COL21A1: variants seen among roughly 807,000 people sequenced by gnomAD.
COL21A1 encodes the protein collagen type XXI alpha 1 chain.
COL21A1 carries 149 observed loss-of-function variants against 137.9 expected under a neutral mutation model. The observed-to-expected ratio is 1.08, with a 90% CI of 0.95 to 1.24. The LOEUF is 1.24. Among genes scored for constraint, COL21A1 ranks in the 50% most tolerant of loss-of-function variants. The probability of loss-of-function intolerance (pLI) is 0.00; values close to 1 mark genes in which losing one functional copy is unlikely to be tolerated. For synonymous variants in COL21A1, 456 were observed against 391.5 expected, an observed-to-expected ratio of 1.16 and a Z score of -1.95; for missense variants, 1,167 against 1,158.4, an observed-to-expected ratio of 1.01 and a Z score of -0.11.
Position 56,308,950 on chromosome 6 carries a change from A to C in COL21A1, c.-39+85021T>G, listed in dbSNP as rs547847954. ...GGATGTGATAAGCTTTAGATTTACT[A>C]TCATAGTCAGGATGGAGGGCAGAAA... On this transcript the variant is annotated intron_variant, in intron 1 of 28. Transcript: ENST00000370819. 2.0e-5 allele frequency among the ~76,000 whole-genome samples: 3 copies of C among 152,226 alleles called. No individual in the cohort carries two copies. The East Asian group carries it at 5.8e-4, about 29-fold the overall frequency.
chr6:56,331,918 A>G (rs1390600946), intron 1 of COL21A1: 1 of 152,074 alleles, frequency 6.6e-6, no homozygotes, highest in Non-Finnish European at 1.5e-5. Flanking sequence ...AATCAGAAGT[A>G]CTGCTTCGTG....
Position 56,281,614 on chromosome 6 carries a change from A to G in COL21A1, c.-38-98958T>C, listed in dbSNP as rs1462751488. ...TTGCATAGTGGATGAATGTTTCACC[A>G]TTACAGTATGGATTTGTCTGTCTCT... On this transcript the variant is annotated intron_variant, in intron 1 of 28. Coordinates refer to the COL21A1 transcript ENST00000370819. 5.9e-5 allele frequency among the ~76,000 whole-genome samples: 9 copies of G among 152,208 alleles called. No individual in the cohort carries two copies. In the South Asian group the frequency reaches 1.9e-3, roughly 31 times the overall value.
chr6:56,116,592 T>A (rs1771952253), intron 16 of COL21A1, among the ~76,000 whole-genome samples: 1 of 151,818 alleles, frequency 6.6e-6, no homozygotes, highest in Non-Finnish European at 1.5e-5. Flanking sequence ...TAATGAGCTA[T>A]AAATAATCAC....
At chr6:56,276,542 T>C in intron 1 of COL21A1, 4 of 1,303,200 alleles carry the variant, frequency 3.1e-6, no homozygotes, top group East Asian at 2.3e-5. Flanking sequence ...ATTCTTCTTA[T>C]ATACTTCAAA....
At chr6:56,303,759 C>T (rs1011639790) in intron 1 of COL21A1, among the ~76,000 whole-genome samples, 2 of 152,238 alleles carry the variant, frequency 1.3e-5, no homozygotes, top group African/African-American at 4.8e-5. Context: ...CCAGAACTTC[C>T]AACACTATGT....
At chr6:56,249,660 CA>C (rs1424079148), upstream of COL21A1, among the ~76,000 whole-genome samples, 1 of 152,096 alleles carries the variant, frequency 6.6e-6, no homozygotes, top group East Asian at 1.9e-4. Context: ...TCAGAATAAG[CA>C]AATCCATAAC....
At chr6:56,349,173 C>T (rs1765657567) in intron 1 of COL21A1, among the ~76,000 whole-genome samples, 1 of 152,046 alleles carries the variant, frequency 6.6e-6, no homozygotes, top group Admixed American at 6.6e-5. Context: ...GAAAATAATC[C>T]ACTGCACTGA....
chr6:56,204,931 T>C (rs926954147), intron 1 of COL21A1, among the ~76,000 whole-genome samples: 5 of 152,070 alleles, frequency 3.3e-5, no homozygotes, highest in African/African-American at 4.8e-5. Flanking sequence ...TGGAAAGGAA[T>C]AGTATCAACA....
intron 16 of COL21A1, among the ~76,000 whole-genome samples, chr6:56,102,319 A>T (rs762602349): frequency 4.6e-5 from 7 of 152,190 alleles, no homozygotes; most frequent in Non-Finnish European, 7.3e-5. Flanking sequence ...CTGTTGACAC[A>T]TATACACACA....
At chr6:56,082,830 A>G (rs930389059) in intron 17 of COL21A1, among the ~76,000 whole-genome samples, 1 of 151,906 alleles carries the variant, frequency 6.6e-6, no homozygotes, top group Non-Finnish European at 1.5e-5. Flanking sequence ...TTAAAATTGT[A>G]TCTAATCTAA....
chr6:56,083,857 G>A (rs1290600722), intron 17 of COL21A1, among the ~76,000 whole-genome samples: 1 of 151,848 alleles, frequency 6.6e-6, no homozygotes. Context: ...GGCTAAGTAG[G>A]GTTTGTCTCA....
intron 10 of COL21A1, among the ~76,000 whole-genome samples, chr6:56,150,565 C>CACACACACACACACACACA (rs1402170446): frequency 1.8e-5 from 2 of 112,616 alleles, no homozygotes; most frequent in African/African-American, 7.3e-5. Flanking sequence ...CACACACACA[C>CACACACACACACACACACA]AAGAGTGGGG....
At chr6:56,192,002 T>C (rs1449179598) in intron 1 of COL21A1, among the ~76,000 whole-genome samples, 1 of 151,838 alleles carries the variant, frequency 6.6e-6, no homozygotes, top group African/African-American at 2.4e-5. Flanking sequence ...CCAAAACAGA[T>C]ATATAGACCA....
intron 1 of COL21A1, among the ~76,000 whole-genome samples, chr6:56,257,420 C>CA (rs34547674): frequency 0.24 from 36,718 of 151,564 alleles, 4,701 homozygotes; most frequent in Non-Finnish European, 0.29. Flanking sequence ...GGAAAATACC[C>CA]AATAGAATAA....
chr6:56,363,784 C>A (rs1362668601), intron 1 of COL21A1, among the ~76,000 whole-genome samples: 1 of 37,754 alleles, frequency 2.6e-5, no homozygotes. Context: ...AAAATACCCC[C>A]CGACACATTC....
At chr6:56,154,372 A>T (rs1775574454) in intron 10 of COL21A1, among the ~76,000 whole-genome samples, 1 of 152,242 alleles carries the variant, frequency 6.6e-6, no homozygotes, top group South Asian at 2.1e-4. Context: ...AAATGGACTA[A>T]GACATGTCTA....
At chr6:56,351,593 C>A (rs1765712036) in intron 1 of COL21A1, among the ~76,000 whole-genome samples, 1 of 152,194 alleles carries the variant, frequency 6.6e-6, no homozygotes, top group African/African-American at 2.4e-5. Flanking sequence ...TCAGCCCAAG[C>A]TGCACATGTG....
chr6:56,358,911 T>C (rs1214451554), intron 1 of COL21A1, among the ~76,000 whole-genome samples: 2 of 152,148 alleles, frequency 1.3e-5, no homozygotes, highest in South Asian at 2.1e-4. Context: ...TATAATGTGG[T>C]GTATTTTCCC....
chr6:56,208,275 A>G lies in COL21A1; in HGVS notation c.-38-25619T>C, dbSNP rs184172732. 3.9e-3 allele frequency among the ~76,000 whole-genome samples: 591 copies of G among 152,218 alleles called. 3 individuals carry two copies. Among genetic ancestry groups the G allele is most frequent in the African/African-American group, 0.013 (540 of 41,522 alleles). On this transcript the variant is annotated intron_variant, in intron 1 of 29. Transcript: ENST00000244728. Reference sequence around the variant, plus strand: ...GATGACATGATTGTATATTTAGAAAACCCCATTGTCTCAGCCCAAAATCTC... The same window carrying G: ...GATGACATGATTGTATATTTAGAAAGCCCCATTGTCTCAGCCCAAAATCTC...
Sources: allele counts gnomAD v4.1 joint callset (sites outside exome capture counted in the v4.1 genomes callset), GRCh38; gene constraint gnomAD v4.1.1; transcripts MANE v1.5; gene names NCBI Gene and HGNC (gene_info 2026-07-23, HGNC 2026-07-21).